ANKRD13D: variants seen among roughly 807,000 people sequenced by gnomAD.
ANKRD13D encodes ankyrin repeat domain-containing protein 13D.
In ANKRD13D, 24 loss-of-function variants were observed where a neutral mutation model predicts 68.8. The observed-to-expected ratio is 0.35, with a 90% CI of 0.25 to 0.49. ANKRD13D has a LOEUF of 0.49. Among genes scored for constraint, ANKRD13D ranks in the 20% least tolerant of loss-of-function variants. The pLI is 0.99. For synonymous variants in ANKRD13D, 331 were observed against 336.1 expected, an observed-to-expected ratio of 0.98 and a Z score of 0.16; for missense variants, 735 against 832.1, an observed-to-expected ratio of 0.88 and a Z score of 1.44.
Position 67,289,342 on chromosome 11 carries a change from G to GCCGCTA in ANKRD13D, c.-117_-112dup. On this transcript the variant is annotated 5_prime_UTR_variant, in exon 1 of 15. Transcript: ENST00000511455. ...CCGCGCTGCCGCCGCCGCCGCCGCC[G>GCCGCTA]CCGCTACTGCTGCGGGGGCCGCGGG... is the stretch of plus-strand genomic sequence containing the variant. 1.6e-6 allele frequency: 1 copy of GCCGCTA among 613,720 alleles called. No homozygotes were observed. The highest frequency in any genetic ancestry group is 9.9e-5 in the East Asian group (1 of 10,076). 38.0% of individuals were successfully genotyped at this position (613,720 alleles called of 1,614,324 possible). A position where few individuals can be genotyped will look rare whatever the true frequency, so the allele number is the denominator to read the frequency against.
In ANKRD13D at chr11:67,301,219, C is replaced by T; in HGVS notation, c.1232-63C>T. The T allele has an allele frequency of 8.8e-6, 14 of 1,595,926 alleles. No homozygotes were observed. Among genetic ancestry groups the T allele is most frequent in the Non-Finnish European group, 1.2e-5 (14 of 1,169,510 alleles). ...CTCCCTCAGCGCAGTCCCTGGAGAG[C>T]TGCAGGGGCCGGAGGCACAGGTGGC... On this transcript the variant is annotated intron_variant, in intron 11 of 14. Transcript: ENST00000511455. The surrounding 1 kb of genome is among the most constrained non-coding windows in gnomAD (Gnocchi z 4.5).
chr11:67,301,290 C>G lies in ANKRD13D; in HGVS notation c.1240C>G (p.Leu414Val). The G allele has an allele frequency of 6.2e-7, 1 of 1,611,808 alleles. No individual in the cohort carries two copies. The highest frequency in any genetic ancestry group is 8.5e-7 in the Non-Finnish European group (1 of 1,178,774). The part of the protein sequence containing the change: ...PGFPVKIEIP[L>V]FHVLNARITF... The stretch of plus-strand genomic sequence containing the variant: ...TGGCTGTCTTCTCACAGAGATTCCC[C>G]TTTTCCACGTGCTCAATGCCCGCAT... Residue 414 changes from leucine to valine, a missense_variant, in exon 12 of 15, where the codon CTT (leucine) becomes GTT (valine). Leu to Val is a conservative substitution (Grantham distance 32, BLOSUM62 1). Coordinates refer to ENST00000511455, the MANE Select transcript of ANKRD13D (RefSeq NM_207354.3). The surrounding 1 kb of genome is among the most constrained non-coding windows in gnomAD (Gnocchi z 4.5).
In ANKRD13D at chr11:67,299,244, C is replaced by T; in HGVS notation, c.798+120C>T. On this transcript the variant is annotated intron_variant, in intron 7 of 14. Transcript: ENST00000511455. The surrounding 1 kb of genome is among the most constrained non-coding windows in gnomAD (Gnocchi z 6.2). ...TGGAAACCCTGAGCATTTGTGGGAA[C>T]TCAGCGGGCCTGAGTGCCCAGCCCC... is the stretch of plus-strand genomic sequence containing the variant. 7.9e-7 allele frequency: 1 copy of T among 1,270,622 alleles called. No individual in the cohort carries two copies. The allele number at this position is 1,270,622 out of a possible 1,614,324, so 78.7% of individuals were successfully genotyped here.
chr11:67,299,509 C>T lies in ANKRD13D; in HGVS notation c.799-21C>T. ...GGAGCAGGCTCTGAGCCCCCAGCTC[C>T]CCGTGTCCCCTGCTCCCCAGGTGTA... On this transcript the variant is annotated intron_variant, in intron 7 of 14. Coordinates refer to ENST00000511455, the MANE Select transcript of ANKRD13D (RefSeq NM_207354.3). The surrounding 1 kb of genome is among the most constrained non-coding windows in gnomAD (Gnocchi z 6.2). 1 of 1,547,834 alleles carries T rather than the reference C, an allele frequency of 6.5e-7. No homozygotes were observed. The highest frequency in any genetic ancestry group is 2.4e-5 in the East Asian group (1 of 40,900).
In ANKRD13D at chr11:67,299,206, A is replaced by G; in HGVS notation, c.798+82A>G. The G allele has an allele frequency of 3.3e-6, 5 of 1,526,674 alleles. No individual in the cohort carries two copies. The highest frequency in any genetic ancestry group is 4.5e-6 in the Non-Finnish European group (5 of 1,107,150). 94.6% of individuals were successfully genotyped at this position (1,526,674 alleles called of 1,614,324 possible). ...CTCCTCTCCACATCCATCCCAGAGTAGCCCCTGGGCTCTGGAAACCCTGAG... is the reference window on the plus strand; with the variant it reads ...CTCCTCTCCACATCCATCCCAGAGTGGCCCCTGGGCTCTGGAAACCCTGAG... On this transcript the variant is annotated intron_variant, in intron 7 of 14. Coordinates refer to ENST00000511455, the MANE Select transcript of ANKRD13D (RefSeq NM_207354.3). The surrounding 1 kb of genome is among the most constrained non-coding windows in gnomAD (Gnocchi z 6.2).
rs112286896 is a variant in ANKRD13D, at chr11:67,300,129, G to C, written c.1073+6G>C. ...ATGTCCAGCAAAGTACAGAGGTGAG[G>C]TCTGAGAGCTGGCTGGGGACTTGCC... On this transcript the variant is annotated splice_donor_region_variant and intron_variant, in intron 10 of 14. Transcript: ENST00000511455. The surrounding 1 kb of genome is among the most constrained non-coding windows in gnomAD (Gnocchi z 4.3). 1.2e-5 allele frequency: 19 copies of C among 1,613,790 alleles called. No homozygotes were observed. Among genetic ancestry groups the C allele is most frequent in the African/African-American group, 1.1e-4 (8 of 75,020 alleles).
At chr11:67,291,571 A>G (rs1230149789) in intron 4 of ANKRD13D, 32 bp from the exon 5 acceptor site, 1 of 1,613,696 alleles carries the variant, frequency 6.2e-7, no homozygotes, top group South Asian at 1.1e-5. Context: ...GGCCTTTGGA[A>G]AGACCCCCAG....
Position 67,301,788 on chromosome 11 carries a change from G to C in ANKRD13D, c.1569G>C (p.Gln523His). 6.2e-7 allele frequency: 1 copy of C among 1,608,462 alleles called. No homozygotes were observed. Among genetic ancestry groups the C allele is most frequent in the South Asian group, 1.1e-5 (1 of 90,354 alleles). Residue 523 changes from glutamine (Q) to histidine (H), a missense_variant, in exon 14 of 15, where the codon CAG (glutamine) becomes CAC (histidine). Gln to His is a conservative substitution (Grantham distance 24). Coordinates refer to ENST00000511455, the MANE Select transcript of ANKRD13D (RefSeq NM_207354.3). The surrounding 1 kb of genome is among the most constrained non-coding windows in gnomAD (Gnocchi z 4.5). ...NTRPGARPPP[Q>H]ATVYEEQLQL... is the part of the protein sequence containing the mutation. ...GGCCCGGTGCCCGCCCTCCTCCCCA[G>C]GCCACGGTTTATGAGGAACAGCTTC...
At position 67,290,204 on chromosome 11, in the gene ANKRD13D, G is replaced by A. The variant is rs1437774768; in HGVS notation, c.217G>A (p.Gly73Ser). ...CAACGTGGGCAAAGAGAACCGCCAG[G>A]GCTGGGCAGGTACTGCAGAGGACAA... ...NANVGKENRQ[G>S]WAVLQEAVST... is the part of the protein sequence containing the mutation. The change falls in exon 2 of 15, where the codon GGC becomes AGC. Residue 73 changes from glycine to serine, a missense_variant. Gly to Ser is a moderately conservative substitution (Grantham distance 56). Coordinates refer to ENST00000511455, the MANE Select transcript of ANKRD13D (RefSeq NM_207354.3). 9.7e-6 allele frequency: 15 copies of A among 1,539,152 alleles called. No homozygotes were observed. The highest frequency in any genetic ancestry group is 1.3e-5 in the Non-Finnish European group (15 of 1,146,894).
In ANKRD13D at chr11:67,299,252, G is replaced by T; in HGVS notation, c.798+128G>T. On this transcript the variant is annotated intron_variant, in intron 7 of 14. Transcript: ENST00000511455. The surrounding 1 kb of genome is among the most constrained non-coding windows in gnomAD (Gnocchi z 6.2). Reference sequence around the variant, plus strand: ...CTGAGCATTTGTGGGAACTCAGCGGGCCTGAGTGCCCAGCCCCTGCGGAGT... The same window carrying T: ...CTGAGCATTTGTGGGAACTCAGCGGTCCTGAGTGCCCAGCCCCTGCGGAGT... 1 of 1,155,052 alleles carries T rather than the reference G, an allele frequency of 8.7e-7. No individual in the cohort carries two copies. The highest frequency in any genetic ancestry group is 1.3e-5 in the South Asian group (1 of 78,632). 71.6% of individuals were successfully genotyped at this position (1,155,052 alleles called of 1,614,324 possible).
Position 67,300,297 on chromosome 11 carries a change from G to A in ANKRD13D, c.1073+174G>A. 7 of 876,724 alleles carry A rather than the reference G, an allele frequency of 8.0e-6. No homozygotes were observed. Among genetic ancestry groups the A allele is most frequent in the Non-Finnish European group, 1.2e-5 (7 of 600,970 alleles). 54.3% of individuals were successfully genotyped at this position (876,724 alleles called of 1,614,324 possible). On this transcript the variant is annotated intron_variant, in intron 10 of 14. Transcript: ENST00000511455. This position sits in a 1 kb window ranked among gnomAD's most constrained non-coding sequence, Gnocchi z 4.3. ...CCATGGTCCTCAGCCCTTAGCAAGG[G>A]GCTTGGCACAGAAAACCGGTAGTTT...
rs546516305 is a variant in ANKRD13D at position 67,299,261 on chromosome 11, C to T, written c.798+137C>T. On this transcript the variant is annotated intron_variant, in intron 7 of 14. Coordinates refer to ENST00000511455, the MANE Select transcript of ANKRD13D (RefSeq NM_207354.3). The surrounding 1 kb of genome is among the most constrained non-coding windows in gnomAD (Gnocchi z 6.2). ...TGTGGGAACTCAGCGGGCCTGAGTG[C>T]CCAGCCCCTGCGGAGTACACAGGGC... is the stretch of plus-strand genomic sequence containing the variant. 4.9e-5 allele frequency: 53 copies of T among 1,087,856 alleles called. No homozygotes were observed. The highest frequency in any genetic ancestry group is 6.9e-5 in the Non-Finnish European group (51 of 735,348). The allele number at this position is 1,087,856 out of a possible 1,614,324, so 67.4% of individuals were successfully genotyped here. A position where few individuals can be genotyped will look rare whatever the true frequency, so the allele number is the denominator to read the frequency against.
Position 67,292,142 on chromosome 11 carries a change from C to T in ANKRD13D, c.693C>T (p.Val231=), listed in dbSNP as rs1565076347. Residue 231 remains valine (V), a synonymous_variant, in exon 6 of 15, where the codon GTC becomes GTT. Coordinates refer to ENST00000511455, the MANE Select transcript of ANKRD13D (RefSeq NM_207354.3). The part of the protein sequence containing the change: ...HVASRLTSPI[V]STHLDTRNVA... ...CCAGTCGCCTCACCTCTCCTATCGT[C>T]TCCACCCACCTGGACACTCGTAATG... The T allele has an allele frequency of 6.2e-7, 1 of 1,608,218 alleles. No individual in the cohort carries two copies. Among genetic ancestry groups the T allele is most frequent in the Non-Finnish European group, 8.5e-7 (1 of 1,175,394 alleles).
At chr11:67,292,648 T>A (rs1860613420) in intron 6 of ANKRD13D, among the ~76,000 whole-genome samples, 1 of 152,136 alleles carries the variant, frequency 6.6e-6, no homozygotes, top group Admixed American at 6.5e-5. Flanking sequence ...AAACCTTTAT[T>A]GAGATATAAT....
At position 67,300,960 on chromosome 11, in the gene ANKRD13D, C is replaced by T; in HGVS notation, c.1074-30C>T. The T allele has an allele frequency of 6.2e-7, 1 of 1,611,628 alleles. No individual in the cohort carries two copies. Among genetic ancestry groups the T allele is most frequent in the South Asian group, 1.1e-5 (1 of 90,930 alleles). On this transcript the variant is annotated intron_variant, in intron 10 of 14. Transcript: ENST00000511455. The surrounding 1 kb of genome is among the most constrained non-coding windows in gnomAD (Gnocchi z 4.3). ...TCAATGGAAGGGCCACCAGCCGTGCCTCACCCATGTCCTGTGGTCGGCTGG... is the reference window on the plus strand; with the variant it reads ...TCAATGGAAGGGCCACCAGCCGTGCTTCACCCATGTCCTGTGGTCGGCTGG...
At position 67,300,280 on chromosome 11, in the gene ANKRD13D, C is replaced by T. The variant is rs1374730103; in HGVS notation, c.1073+157C>T. The T allele has an allele frequency of 9.2e-7, 1 of 1,083,902 alleles. No homozygotes were observed. Among genetic ancestry groups the T allele is most frequent in the Non-Finnish European group, 1.3e-6 (1 of 775,196 alleles). 67.1% of individuals were successfully genotyped at this position (1,083,902 alleles called of 1,614,324 possible). A position where few individuals can be genotyped will look rare whatever the true frequency, so the allele number is the denominator to read the frequency against. On this transcript the variant is annotated intron_variant, in intron 10 of 14. Transcript: ENST00000511455. This position sits in a 1 kb window ranked among gnomAD's most constrained non-coding sequence, Gnocchi z 4.3. Reference sequence around the variant, plus strand: ...AGTCATGTCTGCCTTATCCATGGTCCTCAGCCCTTAGCAAGGGGCTTGGCA... The same window carrying T: ...AGTCATGTCTGCCTTATCCATGGTCTTCAGCCCTTAGCAAGGGGCTTGGCA...
intron 3 of ANKRD13D, 108 bp downstream of exon 3, chr11:67,290,554 C>CT: frequency 6.9e-7 from 1 of 1,440,274 alleles, no homozygotes; most frequent in Non-Finnish European, 9.3e-7. Context: ...AGTGTGCCTC[C>CT]TGCCACCAGC....
In ANKRD13D at chr11:67,299,356, G is replaced by A. The variant is rs1860884065; in HGVS notation, c.799-174G>A. On this transcript the variant is annotated intron_variant, in intron 7 of 14. Coordinates refer to ENST00000511455, the MANE Select transcript of ANKRD13D (RefSeq NM_207354.3). The surrounding 1 kb of genome is among the most constrained non-coding windows in gnomAD (Gnocchi z 6.2). ...AGGAGTGTGTTCCTCTTGACCCTGGGGCTGCATCTCCTCGTTGGTGACTTC... is the reference window on the plus strand; with the variant it reads ...AGGAGTGTGTTCCTCTTGACCCTGGAGCTGCATCTCCTCGTTGGTGACTTC... 5 of 707,998 alleles carry A rather than the reference G, an allele frequency of 7.1e-6. No individual in the cohort carries two copies. The highest frequency in any genetic ancestry group is 2.7e-5 in the Admixed American group (1 of 36,420). 43.9% of individuals were successfully genotyped at this position (707,998 alleles called of 1,614,324 possible). A position where few individuals can be genotyped will look rare whatever the true frequency, so the allele number is the denominator to read the frequency against.
Position 67,301,597 on chromosome 11 carries a change from C to T in ANKRD13D, c.1458C>T (p.Leu486=), listed in dbSNP as rs536752911. Residue 486 remains leucine (L), a synonymous_variant, in exon 13 of 15, where the codon CTC becomes CTT. Coordinates refer to ENST00000511455, the MANE Select transcript of ANKRD13D (RefSeq NM_207354.3). The surrounding 1 kb of genome is among the most constrained non-coding windows in gnomAD (Gnocchi z 4.5). ...NEPLRDEDDD[L]LQFAIQQSLL... The stretch of plus-strand genomic sequence containing the variant: ...CCCTCCGGGACGAGGACGATGACCT[C>T]CTGCAGTTCGCCATCCAGCAGAGCC... The T allele has an allele frequency of 1.9e-6, 3 of 1,612,882 alleles. No individual in the cohort carries two copies. The South Asian group carries it at 3.3e-5, about 18-fold the overall frequency.
Sources: gnomAD v4.1 joint callset for allele counts (sites outside exome capture counted in the v4.1 genomes callset) on GRCh38, gnomAD v4.1.1 for gene constraint, Gnocchi (gnomAD v3.1) non-coding constraint, MANE v1.5 for transcripts, NCBI Gene and HGNC (gene_info 2026-07-23, HGNC 2026-07-21) for gene names.